GBE1: variants seen among roughly 807,000 people sequenced by gnomAD.
GBE1 encodes the protein 1,4-alpha-glucan branching enzyme 1, also known as 1,4-alpha-glucan-branching enzyme.
Under a neutral mutation model 88.8 loss-of-function variants are expected in GBE1, and 70 were observed. The ratio of observed to expected loss-of-function variants is 0.79; its 90% CI spans 0.65 to 0.96. The LOEUF is 0.96. Ranked by LOEUF, GBE1 falls within the 40% of genes least tolerant of loss-of-function variation. The pLI, the probability that GBE1 is intolerant of heterozygous loss-of-function variation, is 0.00. For synonymous variants in GBE1, 284 were observed against 300.1 expected (o/e 0.95, Z 0.56); for missense variants, 872 against 871.0 (o/e 1.00, Z -0.01).
intron 15 of GBE1, among the ~76,000 whole-genome samples, chr3:81,492,094 G>A (rs942936681): frequency 1.3e-5 from 2 of 152,316 alleles, no homozygotes; most frequent in South Asian, 2.1e-4. Flanking sequence ...GCCAGCAGTC[G>A]CTGTGTAACT....
At chr3:81,577,828 A>C in intron 12 of GBE1, 97 bp downstream of exon 12, 10 of 985,480 alleles carry the variant, frequency 1.0e-5, no homozygotes, top group South Asian at 1.7e-5. Context: ...TTTATATTCT[A>C]AATCTGAAAA....
intron 1 of GBE1, among the ~76,000 whole-genome samples, chr3:81,707,872 T>C (rs1046319058): frequency 3.9e-5 from 6 of 152,052 alleles, no homozygotes; most frequent in African/African-American, 1.4e-4. Context: ...ATCAAGCATT[T>C]TCTTTAACCT....
At chr3:81,757,212 G>C (rs1402323780) in intron 1 of GBE1, among the ~76,000 whole-genome samples, 1 of 152,156 alleles carries the variant, frequency 6.6e-6, no homozygotes, top group Non-Finnish European at 1.5e-5. Context: ...GATCCAAGCT[G>C]CCCTCTCCCT....
Position 81,648,907 on chromosome 3 carries a change from C to T in GBE1, c.640G>A (p.Ala214Thr), listed in dbSNP as rs201166587. 1.9e-4 allele frequency: 306 copies of T among 1,586,482 alleles called. 1 individual carries two copies. Among genetic ancestry groups the T allele is most frequent in the Middle Eastern group, 1.7e-4 (1 of 5,962 alleles). Reference sequence around the variant, plus strand: ...TTGCATGTAAAATGTTTATAAGAAGCTACTTTTCCTTCATGGGAAGAAATT... The same window carrying T: ...TTGCATGTAAAATGTTTATAAGAAGTTACTTTTCCTTCATGGGAAGAAATT... The part of the protein sequence containing the change: ...VGISSHEGKV[A>T]SYKHFTCNVL... Residue 214 changes from alanine to threonine, a missense_variant, in exon 5 of 16, where the codon GCT becomes ACT. Coordinates refer to ENST00000429644, the MANE Select transcript of GBE1 (RefSeq NM_000158.4).
intron 1 of GBE1, among the ~76,000 whole-genome samples, chr3:81,714,937 G>C (rs1437648260): frequency 2.0e-5 from 3 of 152,054 alleles, no homozygotes. Context: ...ATCACGTCAG[G>C]AGAGGGCCGC....
At chr3:81,656,505 T>C (rs1460417258) in intron 3 of GBE1, among the ~76,000 whole-genome samples, 1 of 152,132 alleles carries the variant, frequency 6.6e-6, no homozygotes, top group Non-Finnish European at 1.5e-5. Context: ...TTCAAAGCTA[T>C]GAGAGAATAC....
At chr3:81,687,213 G>A (rs377360563) in intron 2 of GBE1, among the ~76,000 whole-genome samples, 29 of 152,148 alleles carry the variant, frequency 1.9e-4, no homozygotes, top group Non-Finnish European at 2.5e-4. Context: ...TATGTCTTTC[G>A]TTCTAATATA....
At chr3:81,699,543 C>T (rs1190767323) in intron 2 of GBE1, among the ~76,000 whole-genome samples, 2 of 151,962 alleles carry the variant, frequency 1.3e-5, no homozygotes, top group African/African-American at 4.8e-5. Context: ...CACAATAGGC[C>T]GTCTGCAAGC....
chr3:81,649,970 G>A (rs1475683122), intron 3 of GBE1, 49 bp from the exon 4 acceptor site: 5 of 1,470,688 alleles, frequency 3.4e-6, no homozygotes, highest in African/African-American at 1.4e-5. Context: ...CCAGAACTCT[G>A]ATAATACATA....
intron 14 of GBE1, among the ~76,000 whole-genome samples, chr3:81,522,443 T>A (rs1702887504): frequency 6.6e-6 from 1 of 151,490 alleles, no homozygotes; most frequent in Non-Finnish European, 1.5e-5. Context: ...GAAGATGTTG[T>A]GATTTCAGTC....
intron 1 of GBE1, among the ~76,000 whole-genome samples, chr3:81,728,887 C>T (rs892513474): frequency 1.3e-5 from 2 of 151,966 alleles, no homozygotes; most frequent in Admixed American, 1.3e-4. Context: ...CGTCCATCTG[C>T]CCCTCCAAAT....
At chr3:81,584,460 T>C (rs562750447) in intron 10 of GBE1, among the ~76,000 whole-genome samples, 2 of 152,026 alleles carry the variant, frequency 1.3e-5, no homozygotes, top group African/African-American at 4.8e-5. Flanking sequence ...TAGAGGAAAA[T>C]CACTATGTCT....
chr3:81,508,354 C>A (rs1374174751), intron 14 of GBE1, among the ~76,000 whole-genome samples: 28 of 152,176 alleles, frequency 1.8e-4, no homozygotes, highest in Admixed American at 1.8e-3. Context: ...CTGCACTAAC[C>A]TCTCCCTAAA....
At position 81,745,996 on chromosome 3, in the gene GBE1, T is replaced by G. The variant is rs566179959; in HGVS notation, c.143+15379A>C. Among the ~76,000 whole-genome samples, 13 of 152,246 alleles carry G rather than the reference T, an allele frequency of 8.5e-5. No homozygotes were observed. The South Asian group carries it at 2.7e-3, about 32-fold the overall frequency. On this transcript the variant is annotated intron_variant, in intron 1 of 15. Transcript: ENST00000429644. ...AAACTAAAGGCTAATTTCATTTAGA[T>G]AAAAGAAACTAATTTTGTAAAATAC...
chr3:81,665,906 T>C (rs1393145124), intron 3 of GBE1, among the ~76,000 whole-genome samples: 1 of 152,180 alleles, frequency 6.6e-6, no homozygotes, highest in Non-Finnish European at 1.5e-5. Flanking sequence ...CATACAATTG[T>C]TATAAAATTA....
At chr3:81,697,188 C>G (rs1372548063) in intron 2 of GBE1, among the ~76,000 whole-genome samples, 1 of 152,070 alleles carries the variant, frequency 6.6e-6, no homozygotes, top group Admixed American at 6.6e-5. Context: ...GAGTGGCTCA[C>G]AGAATTCAGG....
At chr3:81,723,318 G>T (rs1467482304) in intron 1 of GBE1, among the ~76,000 whole-genome samples, 1 of 149,964 alleles carries the variant, frequency 6.7e-6, no homozygotes, top group East Asian at 2.0e-4. Context: ...AGCCAGGATG[G>T]TCTTGATCTC....
chr3:81,642,224 T>G (rs1385802182), intron 7 of GBE1, among the ~76,000 whole-genome samples: 1 of 152,058 alleles, frequency 6.6e-6, no homozygotes, highest in Non-Finnish European at 1.5e-5. Flanking sequence ...ATAACAATAG[T>G]GTTTACCACA....
At chr3:81,748,660 G>T (rs1481275121) in intron 1 of GBE1, among the ~76,000 whole-genome samples, 1 of 151,752 alleles carries the variant, frequency 6.6e-6, no homozygotes, top group South Asian at 2.1e-4. Context: ...CCAAATGTTG[G>T]CAAGGATGCA....
Sources: gnomAD v4.1 joint callset for allele counts (sites outside exome capture counted in the v4.1 genomes callset) on GRCh38, gnomAD v4.1.1 for gene constraint, MANE v1.5 for transcripts, NCBI Gene and HGNC (gene_info 2026-07-23, HGNC 2026-07-21) for gene names.